The following FOXJ3 variants were observed in gnomAD, a reference collection of about 807,000 sequenced individuals.
FOXJ3 encodes forkhead box protein J3.
In FOXJ3, 22 loss-of-function variants were observed where a neutral mutation model predicts 76.1. The observed-to-expected ratio is 0.29, with a 90% CI of 0.21 to 0.41. The LOEUF (loss-of-function observed/expected upper bound fraction) is 0.41. Ranked by LOEUF, FOXJ3 falls within the 10% of genes least tolerant of loss-of-function variation. The probability of loss-of-function intolerance (pLI) is 1.00; values close to 1 mark genes in which losing one functional copy is unlikely to be tolerated. For missense variants in FOXJ3, 613 were observed against 762.1 expected (o/e 0.80, Z 2.30); for synonymous variants, 269 against 261.2 (o/e 1.03, Z -0.29).
In FOXJ3 at chr1:42,330,712, G is replaced by A. The variant is rs72676420; in HGVS notation, c.-18+4347C>T. ...TTTTCCAGTCCCTCTAAGTCTCCAG[G>A]AAATTACATGAGAATTTTTAAGTTA... On this transcript the variant is annotated intron_variant, in intron 1 of 12. Coordinates refer to ENST00000361346, the MANE Select transcript of FOXJ3 (RefSeq NM_014947.5). Among the ~76,000 whole-genome samples the A allele has an allele frequency of 7.6e-3, 1,155 of 152,260 alleles. 12 individuals carry two copies. The highest frequency in any genetic ancestry group is 0.012 in the Non-Finnish European group (825 of 68,012).
At chr1:42,329,629 G>A (rs1412719506) in intron 1 of FOXJ3, among the ~76,000 whole-genome samples, 3 of 152,196 alleles carry the variant, frequency 2.0e-5, no homozygotes, top group Non-Finnish European at 4.4e-5. Context: ...AATGTGGAAA[G>A]CTAAGTGACT....
At chr1:42,303,696 A>G (rs565105163) in intron 2 of FOXJ3, among the ~76,000 whole-genome samples, 1 of 152,360 alleles carries the variant, frequency 6.6e-6, no homozygotes, top group Non-Finnish European at 1.5e-5. Flanking sequence ...ATAAATACAG[A>G]AAAATGTGAG....
At chr1:42,227,164 ATGGAAGAGAG>A (rs1647640009) in intron 5 of FOXJ3, among the ~76,000 whole-genome samples, 1 of 152,262 alleles carries the variant, frequency 6.6e-6, no homozygotes, top group African/African-American at 2.4e-5. Context: ...AAGAACAAAA[ATGGAAGAGAG>A]TAAGCGAAGC....
chr1:42,266,359 T>TA (rs1165860544), intron 3 of FOXJ3, among the ~76,000 whole-genome samples: 2 of 151,620 alleles, frequency 1.3e-5, no homozygotes, highest in African/African-American at 2.4e-5. Context: ...AGGTAAGCTT[T>TA]AAAAAAAATA....
chr1:42,281,850 G>A (rs1159534577), intron 2 of FOXJ3, among the ~76,000 whole-genome samples: 2 of 152,116 alleles, frequency 1.3e-5, no homozygotes, highest in South Asian at 4.1e-4. Context: ...CCTGAGGTCT[G>A]GAGTTTGAGA....
intron 6 of FOXJ3, 130 bp from the exon 7 acceptor site, chr1:42,199,360 C>T: frequency 1.5e-6 from 1 of 653,048 alleles, no homozygotes; most frequent in South Asian, 2.1e-5. Context: ...GTGCTCACCC[C>T]AATTCCATGC....
chr1:42,261,203 TTAA>T (rs1249247722), intron 4 of FOXJ3, among the ~76,000 whole-genome samples: 1 of 148,650 alleles, frequency 6.7e-6, no homozygotes, highest in African/African-American at 2.5e-5. Context: ...CCCAAAGAAT[TTAA>T]AAAAAAAAAG....
At chr1:42,256,639 G>A (rs758975860) in intron 4 of FOXJ3, among the ~76,000 whole-genome samples, 5 of 152,230 alleles carry the variant, frequency 3.3e-5, no homozygotes, top group Admixed American at 1.3e-4. Context: ...TGTTGGGAAT[G>A]TAAAATAGCA....
intron 4 of FOXJ3, among the ~76,000 whole-genome samples, chr1:42,254,973 T>TA (rs1234722989): frequency 2.0e-5 from 3 of 150,212 alleles, no homozygotes; most frequent in Non-Finnish European, 1.5e-5. Context: ...ATAATAATTT[T>TA]AAAAAAAGAA....
chr1:42,326,069 G>A (rs1655810577), intron 1 of FOXJ3, among the ~76,000 whole-genome samples: 1 of 152,056 alleles, frequency 6.6e-6, no homozygotes, highest in Non-Finnish European at 1.5e-5. Context: ...TGGCCAACAT[G>A]GTGAAACCTC....
At chr1:42,270,033 A>G (rs1651755669) in intron 3 of FOXJ3, among the ~76,000 whole-genome samples, 1 of 152,166 alleles carries the variant, frequency 6.6e-6, no homozygotes, top group Non-Finnish European at 1.5e-5. Flanking sequence ...AATATTCTTA[A>G]GCCCCCAAAG....
intron 11 of FOXJ3, among the ~76,000 whole-genome samples, chr1:42,187,429 T>A (rs191496): frequency 1.3e-5 from 2 of 151,536 alleles, no homozygotes; most frequent in Non-Finnish European, 2.9e-5. Flanking sequence ...CAGAGAGAGG[T>A]GGTACACCTG....
At chr1:42,293,733 A>G (rs1258450593) in intron 2 of FOXJ3, among the ~76,000 whole-genome samples, 1 of 152,124 alleles carries the variant, frequency 6.6e-6, no homozygotes, top group Non-Finnish European at 1.5e-5. Flanking sequence ...CTCAGCCTCT[A>G]TTTACTCAGA....
At chr1:42,306,488 G>A (rs904281056) in intron 2 of FOXJ3, among the ~76,000 whole-genome samples, 16 of 151,694 alleles carry the variant, frequency 1.1e-4, no homozygotes, top group African/African-American at 3.6e-4. Context: ...ATTTTTAGTC[G>A]AGACGGGGTT....
chr1:42,256,631 T>G (rs145819302), intron 4 of FOXJ3, among the ~76,000 whole-genome samples: 1 of 152,182 alleles, frequency 6.6e-6, no homozygotes. Flanking sequence ...GGTATTGCTG[T>G]TGGGAATGTA....
At chr1:42,222,020 AGGGGG>A (rs1647210279) in intron 5 of FOXJ3, among the ~76,000 whole-genome samples, 1 of 1,654 alleles carries the variant, frequency 6.0e-4, no homozygotes, top group African/African-American at 2.3e-3. Context: ...GAGAAGGAGA[AGGGGG>A]AGGGGGAGGA....
intron 2 of FOXJ3, among the ~76,000 whole-genome samples, chr1:42,287,062 G>A (rs1653101210): frequency 6.6e-6 from 1 of 152,024 alleles, no homozygotes; most frequent in Non-Finnish European, 1.5e-5. Flanking sequence ...AAAGTTGGCT[G>A]GGATGCGGTG....
At chr1:42,180,396 G>C (rs1646294678) in intron 12 of FOXJ3, among the ~76,000 whole-genome samples, 1 of 152,146 alleles carries the variant, frequency 6.6e-6, no homozygotes, top group African/African-American at 2.4e-5. Flanking sequence ...GTACCAGTTT[G>C]GCCATGTGCT....
chr1:42,325,571 T>C (rs888108040), intron 1 of FOXJ3, among the ~76,000 whole-genome samples: 17 of 152,210 alleles, frequency 1.1e-4, no homozygotes, highest in African/African-American at 3.9e-4. Context: ...GTGAGAGAAA[T>C]GATGAGTCCA....
Sources: gnomAD v4.1 joint callset for allele counts (sites outside exome capture counted in the v4.1 genomes callset) on GRCh38, gnomAD v4.1.1 for gene constraint, MANE v1.5 for transcripts, NCBI Gene and HGNC (gene_info 2026-07-23, HGNC 2026-07-21) for gene names.